BANK1: variants seen among roughly 807,000 people sequenced by gnomAD.
BANK1 encodes the protein B-cell scaffold protein with ankyrin repeats.
A neutral mutation model predicts 94.5 loss-of-function variants in BANK1; 95 were observed. That is an observed-to-expected ratio of 1.00 (90% confidence interval 0.85 to 1.19). The LOEUF (loss-of-function observed/expected upper bound fraction) is 1.19. BANK1 is among the 50% of genes most tolerant of loss of function. The pLI is 0.00. For synonymous variants in BANK1, 334 were observed against 308.4 expected (o/e 1.08, Z -0.87); for missense variants, 987 against 932.2 (o/e 1.06, Z -0.77).
chr4:101,917,890 G>A, intron 6 of BANK1, 103 bp from the exon 7 acceptor site: 2 of 745,226 alleles, frequency 2.7e-6, no homozygotes, highest in Non-Finnish European at 4.2e-6. Flanking sequence ...AAAGTCTGCT[G>A]TGCTTTATGG....
At chr4:101,992,766 G>T (rs891898498) in intron 7 of BANK1, among the ~76,000 whole-genome samples, 1 of 152,140 alleles carries the variant, frequency 6.6e-6, no homozygotes, top group African/African-American at 2.4e-5. Context: ...GATAATGGAA[G>T]TAAATATCTA....
Position 101,790,825 on chromosome 4 carries a change from T to A in BANK1, c.-56T>A. ...CGCGGGGAGTCTCTGGCCGGGAGAG[T>A]CCAGGTAGCGCTCGGCGGGCAGCAG... On this transcript the variant is annotated 5_prime_UTR_variant, in exon 1 of 17. Coordinates refer to ENST00000322953, the MANE Select transcript of BANK1 (RefSeq NM_017935.5). The A allele has an allele frequency of 1.3e-6, 2 of 1,504,750 alleles. No individual in the cohort carries two copies. Among genetic ancestry groups the A allele is most frequent in the Non-Finnish European group, 1.8e-6 (2 of 1,118,758 alleles). 93.2% of individuals were successfully genotyped at this position (1,504,750 alleles called of 1,614,324 possible). A position where few individuals can be genotyped will look rare whatever the true frequency, so the allele number is the denominator to read the frequency against.
chr4:102,034,268 T>C (rs1379449775), intron 10 of BANK1, among the ~76,000 whole-genome samples: 2 of 152,176 alleles, frequency 1.3e-5, no homozygotes, highest in African/African-American at 4.8e-5. Flanking sequence ...TTTCAGAAAC[T>C]GAAGAAGTAA....
intron 11 of BANK1, among the ~76,000 whole-genome samples, chr4:102,044,579 C>T (rs374768149): frequency 3.1e-5 from 4 of 127,270 alleles, no homozygotes; most frequent in Non-Finnish European, 6.5e-5. Context: ...ATGGTATTTC[C>T]AGTTCTAGAT....
intron 7 of BANK1, among the ~76,000 whole-genome samples, chr4:101,988,214 C>A (rs1000523609): frequency 6.6e-6 from 1 of 151,988 alleles, no homozygotes; most frequent in African/African-American, 2.4e-5. Flanking sequence ...TTCTCAAATC[C>A]CGTGGTATTG....
intron 6 of BANK1, among the ~76,000 whole-genome samples, chr4:101,902,085 C>T (rs1722308019): frequency 6.6e-6 from 1 of 152,142 alleles, no homozygotes; most frequent in Non-Finnish European, 1.5e-5. Flanking sequence ...TTACACCATT[C>T]CTATCTGGCT....
chr4:102,006,245 T>A (rs1387710269), intron 7 of BANK1, among the ~76,000 whole-genome samples: 1 of 152,026 alleles, frequency 6.6e-6, no homozygotes, highest in African/African-American at 2.4e-5. Context: ...ATTTAGGATA[T>A]CTGACCTTAA....
chr4:101,839,770 T>C, intron 2 of BANK1, among the ~76,000 whole-genome samples: 1 of 151,852 alleles, frequency 6.6e-6, no homozygotes, highest in Non-Finnish European at 1.5e-5. Context: ...CCAAATTCTT[T>C]ACAACTCTTG....
chr4:101,817,498 G>A (rs2148857327), intron 1 of BANK1, among the ~76,000 whole-genome samples: 1 of 152,200 alleles, frequency 6.6e-6, no homozygotes, highest in Middle Eastern at 3.4e-3. Flanking sequence ...TGGACACATA[G>A]AGGTGAGCAA....
chr4:102,065,385 G>T (rs776741878), intron 13 of BANK1, among the ~76,000 whole-genome samples: 22 of 152,104 alleles, frequency 1.4e-4, no homozygotes, highest in Non-Finnish European at 2.9e-4. Flanking sequence ...AAAAGCCCAT[G>T]GTGAAAAAGA....
intron 5 of BANK1, among the ~76,000 whole-genome samples, chr4:101,889,455 G>T (rs892773257): frequency 1.3e-5 from 2 of 151,372 alleles, no homozygotes; most frequent in East Asian, 3.9e-4. Context: ...AAAATTAGCC[G>T]GGCGCGGTGG....
intron 7 of BANK1, among the ~76,000 whole-genome samples, chr4:101,924,591 C>A (rs1038736929): frequency 6.6e-6 from 1 of 151,616 alleles, no homozygotes; most frequent in Non-Finnish European, 1.5e-5. Flanking sequence ...TTTGGCGGTG[C>A]GTTGGGAAGG....
chr4:101,963,967 T>C (rs1019202569), intron 7 of BANK1, among the ~76,000 whole-genome samples: 2 of 152,126 alleles, frequency 1.3e-5, no homozygotes, highest in African/African-American at 2.4e-5. Flanking sequence ...TCCTCCTACA[T>C]TGACAGCTCC....
intron 7 of BANK1, among the ~76,000 whole-genome samples, chr4:101,936,334 T>G (rs759099960): frequency 6.6e-6 from 1 of 150,386 alleles, no homozygotes; most frequent in Non-Finnish European, 1.5e-5. Flanking sequence ...TCCATACATA[T>G]ATATGTACAT....
At chr4:101,833,426 T>A (rs558605692) in intron 2 of BANK1, among the ~76,000 whole-genome samples, 1 of 152,248 alleles carries the variant, frequency 6.6e-6, no homozygotes, top group Admixed American at 6.5e-5. Context: ...CTTCCACAGA[T>A]GTAGACTGCT....
chr4:102,063,367 TATC>T (rs1214457017), intron 13 of BANK1, among the ~76,000 whole-genome samples: 2 of 151,884 alleles, frequency 1.3e-5, no homozygotes, highest in Non-Finnish European at 2.9e-5. Flanking sequence ...ATAAAATACT[TATC>T]ATATTCTCTG....
chr4:101,907,986 T>A (rs1015728569), intron 6 of BANK1, among the ~76,000 whole-genome samples: 4 of 152,166 alleles, frequency 2.6e-5, no homozygotes, highest in Non-Finnish European at 4.4e-5. Context: ...CTGCCCAAGG[T>A]AATTTATAGA....
At chr4:101,940,257 A>T (rs1193534755) in intron 7 of BANK1, among the ~76,000 whole-genome samples, 1 of 151,558 alleles carries the variant, frequency 6.6e-6, no homozygotes, top group African/African-American at 2.4e-5. Context: ...CAGGAAAAAA[A>T]AAACAGATTC....
At chr4:101,992,002 T>A (rs1247477943) in intron 7 of BANK1, among the ~76,000 whole-genome samples, 2 of 152,188 alleles carry the variant, frequency 1.3e-5, no homozygotes. Context: ...CATGTGGGTA[T>A]GTAGGACATA....
Sources: gnomAD v4.1 joint callset for allele counts (sites outside exome capture counted in the v4.1 genomes callset) on GRCh38, gnomAD v4.1.1 for gene constraint, MANE v1.5 for transcripts, NCBI Gene and HGNC (gene_info 2026-07-23, HGNC 2026-07-21) for gene names.